The following NRXN1 variants were observed in gnomAD, a reference collection of about 807,000 sequenced individuals.
NRXN1 encodes neurexin-1.
Under a neutral mutation model 150.9 loss-of-function variants are expected in NRXN1, and 39 were observed. The observed-to-expected ratio is 0.26, with a 90% CI of 0.20 to 0.34. The LOEUF is 0.34. Among genes scored for constraint, NRXN1 ranks in the 10% least tolerant of loss-of-function variants. The pLI is 1.00. For synonymous variants in NRXN1, 924 were observed against 757.0 expected (o/e 1.22, Z -3.62); for missense variants, 1,815 against 1,949.9 (o/e 0.93, Z 1.30).
intron 17 of NRXN1, among the ~76,000 whole-genome samples, chr2:50,449,356 T>C (rs1024290954): frequency 3.9e-5 from 6 of 152,230 alleles, no homozygotes; most frequent in African/African-American, 1.4e-4. Context: ...CATTATTTCT[T>C]TCTGAATTTT....
intron 17 of NRXN1, among the ~76,000 whole-genome samples, chr2:50,361,059 A>G (rs971745752): frequency 2.0e-5 from 3 of 152,334 alleles, no homozygotes; most frequent in Admixed American, 6.5e-5. Context: ...TGTTCTTTGA[A>G]ACCAGTGAGA....
intron 18 of NRXN1, among the ~76,000 whole-genome samples, chr2:50,189,285 G>A (rs761088988): frequency 7.2e-5 from 11 of 151,874 alleles, no homozygotes; most frequent in Non-Finnish European, 8.8e-5. Context: ...CAAACACTCC[G>A]TGTTCTCACT....
chr2:50,885,097 C>A (rs1319742751), intron 5 of NRXN1, among the ~76,000 whole-genome samples: 1 of 151,446 alleles, frequency 6.6e-6, no homozygotes, highest in East Asian at 1.9e-4. Flanking sequence ...AGTGAAATTG[C>A]CATAAAGCCA....
chr2:50,693,235 T>C (rs1036880138), intron 5 of NRXN1, among the ~76,000 whole-genome samples: 1 of 152,124 alleles, frequency 6.6e-6, no homozygotes. Context: ...CAGATTTTGG[T>C]AGAGTAATTA....
chr2:50,819,077 G>T (rs968064949), intron 5 of NRXN1, among the ~76,000 whole-genome samples: 1 of 152,112 alleles, frequency 6.6e-6, no homozygotes, highest in African/African-American at 2.4e-5. Flanking sequence ...CTTTTGGTGA[G>T]AATGTAAAAT....
rs1057368714 is a variant in NRXN1 at position 50,485,931 on chromosome 2, G to C, written c.3070+9974C>G. 5.3e-5 allele frequency among the ~76,000 whole-genome samples: 8 copies of C among 152,332 alleles called. No individual in the cohort carries two copies. In the South Asian group the frequency reaches 1.2e-3, roughly 24 times the overall value. On this transcript the variant is annotated intron_variant, in intron 15 of 22. Coordinates refer to ENST00000401669, the MANE Select transcript of NRXN1 (RefSeq NM_001330078.2). ...ACTTGCCCTTTGCCCTACTGCCAGT[G>C]ACTGACCAAAGCAGAGGGCAGCCTC...
chr2:50,434,672 TA>T (rs144239383), intron 17 of NRXN1, among the ~76,000 whole-genome samples: 1,816 of 152,190 alleles, frequency 0.012, 36 homozygotes, highest in African/African-American at 0.042. Context: ...AACAATTTTT[TA>T]AAAAAAATTT....
At chr2:50,774,613 T>A (rs1703386267) in intron 5 of NRXN1, among the ~76,000 whole-genome samples, 1 of 152,192 alleles carries the variant, frequency 6.6e-6, no homozygotes, top group African/African-American at 2.4e-5. Context: ...GGTATATAAA[T>A]AATCAATTGA....
At chr2:50,957,085 C>T (rs13409387) in intron 2 of NRXN1, among the ~76,000 whole-genome samples, 20,266 of 152,172 alleles carry the variant, frequency 0.13, 1,584 homozygotes, top group South Asian at 0.21. Flanking sequence ...TGGAATGTCA[C>T]GGTAGTGACT....
intron 5 of NRXN1, among the ~76,000 whole-genome samples, chr2:50,769,643 A>G (rs1702775464): frequency 6.6e-6 from 1 of 152,056 alleles, no homozygotes; most frequent in Admixed American, 6.6e-5. Context: ...GATTACAACG[A>G]ACTCACTAGG....
At chr2:50,827,689 G>A (rs1670654586) in intron 5 of NRXN1, among the ~76,000 whole-genome samples, 1 of 152,000 alleles carries the variant, frequency 6.6e-6, no homozygotes, top group Non-Finnish European at 1.5e-5. Flanking sequence ...AACAGTGGAG[G>A]GAAGGTCAGC....
chr2:50,203,738 C>T (rs1179916395), intron 18 of NRXN1, among the ~76,000 whole-genome samples: 1 of 152,142 alleles, frequency 6.6e-6, no homozygotes, highest in Non-Finnish European at 1.5e-5. Flanking sequence ...TGTTATATTA[C>T]ATGCATTATA....
At chr2:50,894,690 A>T (rs552072480) in intron 5 of NRXN1, among the ~76,000 whole-genome samples, 39 of 152,144 alleles carry the variant, frequency 2.6e-4, no homozygotes, top group Non-Finnish European at 5.1e-4. Context: ...TGGTTATATA[A>T]TTTATATGTA....
At chr2:50,129,493 A>G (rs1174226798) in intron 18 of NRXN1, among the ~76,000 whole-genome samples, 3 of 152,220 alleles carry the variant, frequency 2.0e-5, no homozygotes, top group African/African-American at 7.2e-5. Flanking sequence ...TTTTAATAAA[A>G]TAATTATCAG....
At chr2:50,168,435 A>C (rs1276115626) in intron 18 of NRXN1, among the ~76,000 whole-genome samples, 1 of 152,188 alleles carries the variant, frequency 6.6e-6, no homozygotes, top group Non-Finnish European at 1.5e-5. Flanking sequence ...TTATATTTAA[A>C]AATCACGGTT....
chr2:50,123,547 GAC>G (rs1403355922), intron 18 of NRXN1, among the ~76,000 whole-genome samples: 3 of 152,122 alleles, frequency 2.0e-5, no homozygotes, highest in African/African-American at 7.2e-5. Flanking sequence ...ACAGATAATT[GAC>G]ACAGTCTGAT....
chr2:50,828,300 G>A (rs1670803079), intron 5 of NRXN1, among the ~76,000 whole-genome samples: 1 of 51,004 alleles, frequency 2.0e-5, no homozygotes, highest in South Asian at 9.2e-4. Flanking sequence ...CTCCCGGACG[G>A]GGCGGCTGGC....
At chr2:50,872,741 C>A (rs1459422313) in intron 5 of NRXN1, among the ~76,000 whole-genome samples, 1 of 150,984 alleles carries the variant, frequency 6.6e-6, no homozygotes, top group Non-Finnish European at 1.5e-5. Flanking sequence ...CCACTTGTGG[C>A]CAGAAGTTTA....
chr2:50,913,564 T>A (rs1226071237), intron 5 of NRXN1, among the ~76,000 whole-genome samples: 2 of 151,798 alleles, frequency 1.3e-5, no homozygotes, highest in Admixed American at 6.6e-5. Context: ...AGTGTAATTG[T>A]ATAGTCTATA....
Sources: gnomAD v4.1 joint callset for allele counts (sites outside exome capture counted in the v4.1 genomes callset) on GRCh38, gnomAD v4.1.1 for gene constraint, MANE v1.5 for transcripts, NCBI Gene and HGNC (gene_info 2026-07-23, HGNC 2026-07-21) for gene names.